The following SLC25A21 variants were observed in gnomAD, a reference collection of about 807,000 sequenced individuals.
The protein encoded by SLC25A21 is solute carrier family 25 member 21.
SLC25A21 carries 47 observed loss-of-function variants against 43.8 expected under a neutral mutation model. The observed-to-expected ratio is 1.07, with a 90% CI of 0.85 to 1.37. The LOEUF (loss-of-function observed/expected upper bound fraction) is 1.37, where lower values mean the gene tolerates loss of function less well. Among genes scored for constraint, SLC25A21 ranks in the 40% most tolerant of loss-of-function variants. The pLI is 0.00. For missense variants in SLC25A21, 352 were observed against 350.2 expected (o/e 1.00, Z -0.04); for synonymous variants, 131 against 121.3 (o/e 1.08, Z -0.52).
At chr14:36,880,938 C>A (rs2138566814) in intron 1 of SLC25A21, among the ~76,000 whole-genome samples, 1 of 152,234 alleles carries the variant, frequency 6.6e-6, no homozygotes, top group Middle Eastern at 3.4e-3. Context: ...GACGCTGCAA[C>A]AAGGATGCTT....
At chr14:36,984,185 A>G (rs920044416) in intron 1 of SLC25A21, among the ~76,000 whole-genome samples, 1 of 152,170 alleles carries the variant, frequency 6.6e-6, no homozygotes, top group African/African-American at 2.4e-5. Flanking sequence ...AAAATCCTAG[A>G]ATAGTGGCAA....
intron 3 of SLC25A21, among the ~76,000 whole-genome samples, chr14:36,737,439 G>A (rs1885087515): frequency 6.6e-6 from 1 of 152,106 alleles, no homozygotes; most frequent in Non-Finnish European, 1.5e-5. Context: ...CTACTTTCAT[G>A]TGCGATCGTT....
In SLC25A21 at chr14:36,762,494, T is replaced by C. The variant is rs1470728592; in HGVS notation, c.204-27921A>G. 3.9e-5 allele frequency among the ~76,000 whole-genome samples: 6 copies of C among 152,180 alleles called. No individual in the cohort carries two copies. The East Asian group carries it at 7.7e-4, about 20-fold the overall frequency. ...CCGAAGTCACACAGATAGCAAGAAT[T>C]TGAAACTAAGTGTGTGACAGCACAA... On this transcript the variant is annotated intron_variant, in intron 3 of 9. Coordinates refer to ENST00000331299, the MANE Select transcript of SLC25A21 (RefSeq NM_030631.4).
chr14:36,715,501 CCACTAGCT>C (rs1884088327), intron 6 of SLC25A21, among the ~76,000 whole-genome samples: 1 of 152,122 alleles, frequency 6.6e-6, no homozygotes, highest in African/African-American at 2.4e-5. Flanking sequence ...AGCAGGTCAC[CCACTAGCT>C]CAGTTTCCTT....
chr14:36,973,187 C>T (rs942490064), intron 1 of SLC25A21, among the ~76,000 whole-genome samples: 1 of 151,976 alleles, frequency 6.6e-6, no homozygotes, highest in East Asian at 1.9e-4. Context: ...GTTAGAGCCA[C>T]ATTTTAGAAA....
rs1010171103 is a variant in SLC25A21 at position 36,886,726 on chromosome 14, T to C, written c.71-11722A>G. 3.9e-5 allele frequency among the ~76,000 whole-genome samples: 6 copies of C among 152,300 alleles called. No homozygotes were observed. The Middle Eastern group carries it at 0.014, about 345-fold the overall frequency. ...GATAGGCTGAAAATTATTAAACTAATGAAAATCTCACCTGTAAACAAAGTT... is the reference window on the plus strand; with the variant it reads ...GATAGGCTGAAAATTATTAAACTAACGAAAATCTCACCTGTAAACAAAGTT... On this transcript the variant is annotated intron_variant, in intron 1 of 9. Coordinates refer to ENST00000331299, the MANE Select transcript of SLC25A21 (RefSeq NM_030631.4).
At chr14:37,106,860 T>G (rs951744962) in intron 1 of SLC25A21, among the ~76,000 whole-genome samples, 1 of 152,180 alleles carries the variant, frequency 6.6e-6, no homozygotes, top group Admixed American at 6.5e-5. Context: ...CTTTGTAATC[T>G]TTCTCTTTAT....
At chr14:36,858,532 T>C (rs953132445) in intron 2 of SLC25A21, among the ~76,000 whole-genome samples, 2 of 152,200 alleles carry the variant, frequency 1.3e-5, no homozygotes, top group African/African-American at 4.8e-5. Context: ...CTATGACCCA[T>C]TTTCTTTTGT....
At position 36,911,575 on chromosome 14, in the gene SLC25A21, G is replaced by T. The variant is rs559152543; in HGVS notation, c.71-36571C>A. On this transcript the variant is annotated intron_variant, in intron 1 of 9. Coordinates refer to ENST00000331299, the MANE Select transcript of SLC25A21 (RefSeq NM_030631.4). Reference sequence around the variant, plus strand: ...CCACTTTCACACTGGTGTTTGCCTAGTCCATTTCTTTTAGGGACCCAGCAC... The same window carrying T: ...CCACTTTCACACTGGTGTTTGCCTATTCCATTTCTTTTAGGGACCCAGCAC... 2.4e-4 allele frequency among the ~76,000 whole-genome samples: 37 copies of T among 152,030 alleles called. No individual in the cohort carries two copies. In the South Asian group the frequency reaches 7.7e-3, roughly 31 times the overall value.
intron 1 of SLC25A21, among the ~76,000 whole-genome samples, chr14:36,944,758 T>C (rs1892642972): frequency 6.6e-6 from 1 of 152,210 alleles, no homozygotes; most frequent in Non-Finnish European, 1.5e-5. Flanking sequence ...TCTTCTCTCA[T>C]TTTATTGAGT....
At chr14:37,017,008 C>G (rs1960871978) in intron 1 of SLC25A21, among the ~76,000 whole-genome samples, 1 of 152,072 alleles carries the variant, frequency 6.6e-6, no homozygotes, top group Admixed American at 6.6e-5. Context: ...ATCCAGACTA[C>G]TAAAACTTTC....
At chr14:36,712,045 G>T (rs368272421) in intron 6 of SLC25A21, among the ~76,000 whole-genome samples, 1 of 152,180 alleles carries the variant, frequency 6.6e-6, no homozygotes. Flanking sequence ...ATCAGTGTGC[G>T]TATCACTGCT....
chr14:36,682,357 C>T (rs535924388), intron 9 of SLC25A21, among the ~76,000 whole-genome samples: 19 of 152,270 alleles, frequency 1.2e-4, no homozygotes, highest in Admixed American at 1.0e-3. Flanking sequence ...CACAGTTTGG[C>T]TTAGCCTGGA....
At chr14:37,035,353 T>C (rs1961304865) in intron 1 of SLC25A21, among the ~76,000 whole-genome samples, 1 of 152,232 alleles carries the variant, frequency 6.6e-6, no homozygotes, top group Non-Finnish European at 1.5e-5. Flanking sequence ...TCAGTTTTAA[T>C]CTATAAGGTT....
chr14:36,824,330 T>A (rs1888742608), intron 2 of SLC25A21, among the ~76,000 whole-genome samples: 1 of 152,050 alleles, frequency 6.6e-6, no homozygotes, highest in African/African-American at 2.4e-5. Context: ...TTGAGGAAAA[T>A]TTCAAGGGAG....
chr14:36,879,330 C>G (rs1890640163), intron 1 of SLC25A21, among the ~76,000 whole-genome samples: 1 of 152,058 alleles, frequency 6.6e-6, no homozygotes, highest in African/African-American at 2.4e-5. Context: ...GCTGATTTAT[C>G]ACAATAACAA....
intron 1 of SLC25A21, among the ~76,000 whole-genome samples, chr14:36,892,379 G>T (rs187108907): frequency 6.6e-6 from 1 of 152,018 alleles, no homozygotes; most frequent in Non-Finnish European, 1.5e-5. Flanking sequence ...ATCAACCTAA[G>T]TGCCCATCAG....
chr14:36,734,669 C>A, intron 3 of SLC25A21, 96 bp from the exon 4 acceptor site: 1 of 835,766 alleles, frequency 1.2e-6, no homozygotes, highest in Admixed American at 2.2e-5. Context: ...CCCGATTATT[C>A]AACATAGCAC....
intron 2 of SLC25A21, among the ~76,000 whole-genome samples, chr14:36,860,820 G>C (rs1890045946): frequency 6.6e-6 from 1 of 152,108 alleles, no homozygotes; most frequent in South Asian, 2.1e-4. Flanking sequence ...TCGCAATGTT[G>C]TATTATTTCA....
Sources: allele counts gnomAD v4.1 joint callset (sites outside exome capture counted in the v4.1 genomes callset), GRCh38; gene constraint gnomAD v4.1.1; transcripts MANE v1.5; gene names NCBI Gene and HGNC (gene_info 2026-07-23, HGNC 2026-07-21).